COG5: variants seen among roughly 807,000 people sequenced by gnomAD.
The protein encoded by COG5 is conserved oligomeric Golgi complex subunit 5.
A neutral mutation model predicts 110.4 loss-of-function variants in COG5; 86 were observed. The observed-to-expected ratio is 0.78, with a 90% CI of 0.65 to 0.93. The LOEUF (loss-of-function observed/expected upper bound fraction) is 0.93, where lower values mean the gene tolerates loss of function less well. Ranked by LOEUF, COG5 falls within the 40% of genes least tolerant of loss-of-function variation. COG5 has a pLI of 0.00. For synonymous variants in COG5, 360 were observed against 334.6 expected (o/e 1.08, Z -0.83); for missense variants, 1,077 against 987.0 (o/e 1.09, Z -1.22).
At chr7:107,376,356 T>C (rs1432735506) in intron 7 of COG5, among the ~76,000 whole-genome samples, 1 of 151,998 alleles carries the variant, frequency 6.6e-6, no homozygotes, top group Non-Finnish European at 1.5e-5. Flanking sequence ...ATTAACTCTA[T>C]AGATAAAATT....
At chr7:107,492,370 G>A (rs1410408329) in intron 6 of COG5, among the ~76,000 whole-genome samples, 2 of 152,006 alleles carry the variant, frequency 1.3e-5, no homozygotes, top group East Asian at 3.9e-4. Flanking sequence ...CACAAACCTA[G>A]AGGCTTAAAA....
chr7:107,548,084 T>A (rs750067789), intron 5 of COG5, 27 bp downstream of exon 5: 2 of 1,576,260 alleles, frequency 1.3e-6, no homozygotes, highest in South Asian at 1.1e-5. Flanking sequence ...AATAATAAAG[T>A]ATAAAGAAAT....
chr7:107,559,921 G>C (rs1803641398), intron 1 of COG5, among the ~76,000 whole-genome samples: 1 of 152,234 alleles, frequency 6.6e-6, no homozygotes, highest in African/African-American at 2.4e-5. Context: ...TGGTTCCAAA[G>C]GTTGGAGCGC....
At chr7:107,353,374 G>A (rs1376249082) in intron 10 of COG5, among the ~76,000 whole-genome samples, 26 of 138,342 alleles carry the variant, frequency 1.9e-4, no homozygotes, top group Non-Finnish European at 3.4e-4. Context: ...GCAGTGAGCC[G>A]AGATCCCGCC....
intron 14 of COG5, among the ~76,000 whole-genome samples, chr7:107,268,388 T>C (rs926920373): frequency 6.6e-6 from 1 of 152,222 alleles, no homozygotes; most frequent in African/African-American, 2.4e-5. Flanking sequence ...CGTTTTAATA[T>C]TAATGTTTAT....
chr7:107,254,715 T>C (rs57312243), intron 16 of COG5, among the ~76,000 whole-genome samples: 9 of 152,264 alleles, frequency 5.9e-5, no homozygotes, highest in African/African-American at 1.9e-4. Context: ...TTGTTGTCTG[T>C]CAAAAATAAA....
chr7:107,495,282 G>A (rs371085881), intron 6 of COG5, among the ~76,000 whole-genome samples: 2 of 152,246 alleles, frequency 1.3e-5, no homozygotes, highest in African/African-American at 2.4e-5. Flanking sequence ...AGAATCCTTG[G>A]CGATAGCTAA....
At chr7:107,355,005 G>A (rs1479387674) in intron 10 of COG5, among the ~76,000 whole-genome samples, 1 of 152,202 alleles carries the variant, frequency 6.6e-6, no homozygotes, top group East Asian at 1.9e-4. Context: ...TTACTCTTAT[G>A]TAAATTATTT....
chr7:107,242,730 C>G (rs1386239705), intron 17 of COG5, among the ~76,000 whole-genome samples: 1 of 152,216 alleles, frequency 6.6e-6, no homozygotes, highest in Non-Finnish European at 1.5e-5. Context: ...CTGCTTGTCA[C>G]CAGGAGAACC....
chr7:107,464,710 T>A (rs1319557663), intron 6 of COG5, among the ~76,000 whole-genome samples: 1 of 152,106 alleles, frequency 6.6e-6, no homozygotes, highest in Admixed American at 6.6e-5. Context: ...TAACATAAGA[T>A]GTAAGATGCC....
chr7:107,518,668 T>C (rs1464858315), intron 6 of COG5, among the ~76,000 whole-genome samples: 7 of 152,114 alleles, frequency 4.6e-5, no homozygotes, highest in Non-Finnish European at 8.8e-5. Flanking sequence ...AACAAGTTCT[T>C]AGAGACCTAC....
chr7:107,259,752 G>A (rs1803179481), intron 14 of COG5, among the ~76,000 whole-genome samples: 1 of 152,082 alleles, frequency 6.6e-6, no homozygotes, highest in South Asian at 2.1e-4. Context: ...GAATTTTTAT[G>A]TTATTTTATT....
intron 6 of COG5, among the ~76,000 whole-genome samples, chr7:107,447,496 G>A (rs547112343): frequency 4.6e-4 from 70 of 152,228 alleles, no homozygotes; most frequent in African/African-American, 1.4e-3. Context: ...ATATACATAC[G>A]AAGAGGAAAA....
chr7:107,512,505 C>A (rs967100989), intron 6 of COG5, among the ~76,000 whole-genome samples: 53 of 152,288 alleles, frequency 3.5e-4, no homozygotes, highest in African/African-American at 1.3e-3. Context: ...CCATCCCCAT[C>A]AAGCTACCAA....
intron 19 of COG5, among the ~76,000 whole-genome samples, chr7:107,222,724 AT>A: frequency 6.6e-6 from 1 of 152,192 alleles, no homozygotes; most frequent in African/African-American, 2.4e-5. Context: ...ATAAATAACC[AT>A]CTAAAGTGCT....
intron 6 of COG5, among the ~76,000 whole-genome samples, chr7:107,522,738 A>T (rs1800428233): frequency 6.6e-6 from 1 of 152,240 alleles, no homozygotes; most frequent in African/African-American, 2.4e-5. Context: ...ATATGAAATG[A>T]AGTATGGATA....
chr7:107,229,964 C>G lies in COG5; in HGVS notation c.2168+651G>C, dbSNP rs192433675. On this transcript the variant is annotated intron_variant, in intron 19 of 21. Transcript: ENST00000297135. ...CTCCCTGGTTCAAGCGATTCTCCTG[C>G]CTCAGCCTCCCCAGTAGCTGGAACT... Among the ~76,000 whole-genome samples the G allele has an allele frequency of 1.6e-3, 242 of 151,352 alleles. 1 individual carries two copies. The highest frequency in any genetic ancestry group is 5.5e-3 in the African/African-American group (227 of 41,260).
At chr7:107,464,500 C>T (rs1163221527) in intron 6 of COG5, among the ~76,000 whole-genome samples, 1 of 152,166 alleles carries the variant, frequency 6.6e-6, no homozygotes, top group African/African-American at 2.4e-5. Context: ...ACTACTACCC[C>T]ACCACTTAAA....
At chr7:107,521,226 G>A (rs1197508046) in intron 6 of COG5, among the ~76,000 whole-genome samples, 2 of 152,056 alleles carry the variant, frequency 1.3e-5, no homozygotes, top group African/African-American at 4.8e-5. Context: ...TTCAGGGCAT[G>A]GGCATGGGCA....
Sources: gnomAD v4.1 joint callset for allele counts (sites outside exome capture counted in the v4.1 genomes callset) on GRCh38, gnomAD v4.1.1 for gene constraint, MANE v1.5 for transcripts, NCBI Gene and HGNC (gene_info 2026-07-23, HGNC 2026-07-21) for gene names.